SEC31A: variants seen among roughly 807,000 people sequenced by gnomAD.
The protein encoded by SEC31A is protein transport protein Sec31A.
Under a neutral mutation model 151.0 loss-of-function variants are expected in SEC31A, and 70 were observed. The ratio of observed to expected loss-of-function variants is 0.46; its 90% CI spans 0.38 to 0.57. SEC31A has a LOEUF of 0.57. Ranked by LOEUF, SEC31A falls within the 20% of genes least tolerant of loss-of-function variation. SEC31A has a pLI of 0.00. For missense variants in SEC31A, 1,330 were observed against 1,471.2 expected, an observed-to-expected ratio of 0.90 and a Z score of 1.57; for synonymous variants, 475 against 505.9, an observed-to-expected ratio of 0.94 and a Z score of 0.82.
intron 18 of SEC31A, among the ~76,000 whole-genome samples, chr4:82,852,818 C>T (rs1156415668): frequency 6.6e-6 from 1 of 152,172 alleles, no homozygotes; most frequent in East Asian, 1.9e-4. Flanking sequence ...TATTTGGCAC[C>T]AGGGACTGGT....
At chr4:82,860,430 T>G (rs1468298611) in intron 14 of SEC31A, among the ~76,000 whole-genome samples, 1 of 152,164 alleles carries the variant, frequency 6.6e-6, no homozygotes, top group Admixed American at 6.5e-5. Context: ...TGAAAGTACA[T>G]TTCTCTATGT....
chr4:82,875,188 T>G (rs987225471), intron 5 of SEC31A, among the ~76,000 whole-genome samples: 2 of 152,178 alleles, frequency 1.3e-5, no homozygotes, highest in African/African-American at 2.4e-5. Flanking sequence ...ACCTCTCAGA[T>G]TGCCAAAATG....
chr4:82,894,608 T>G (rs1055518021), upstream of SEC31A: 6 of 152,268 alleles, frequency 3.9e-5, no homozygotes, highest in African/African-American at 7.2e-5. Context: ...ACTGTGGGCT[T>G]CTTCTTCAAC....
At chr4:82,866,286 C>T (rs1735370071) in intron 10 of SEC31A, among the ~76,000 whole-genome samples, 1 of 152,112 alleles carries the variant, frequency 6.6e-6, no homozygotes, top group Non-Finnish European at 1.5e-5. Flanking sequence ...GGCCAGTCAA[C>T]ATGGTAAAAC....
At chr4:82,861,576 G>A (rs1346564206) in intron 14 of SEC31A, 55 bp downstream of exon 14, 19 of 1,164,716 alleles carry the variant, frequency 1.6e-5, no homozygotes, top group Non-Finnish European at 2.2e-5. Flanking sequence ...ATTTTAATGT[G>A]AGATACACAA....
At chr4:82,870,554 C>T (rs897813818) in intron 7 of SEC31A, 130 bp from the exon 8 acceptor site, 14 of 716,250 alleles carry the variant, frequency 2.0e-5, no homozygotes, top group Middle Eastern at 3.3e-4. Context: ...GTTTCAGCGC[C>T]GGGCGCATTG....
intron 25 of SEC31A, 122 bp from the exon 26 acceptor site, chr4:82,821,230 T>C (rs769144982): frequency 1.5e-5 from 11 of 753,710 alleles, no homozygotes; most frequent in Non-Finnish European, 2.5e-5. Context: ...TATAAAGAAA[T>C]GGAGGCAACT....
intron 21 of SEC31A, 63 bp downstream of exon 21, chr4:82,844,323 G>A: frequency 6.4e-7 from 1 of 1,552,878 alleles, no homozygotes; most frequent in South Asian, 1.2e-5. Context: ...GGGCTTCAAA[G>A]TAAAGTTACT....
chr4:82,872,988 C>T (rs1224553014), intron 6 of SEC31A, among the ~76,000 whole-genome samples: 2 of 152,110 alleles, frequency 1.3e-5, no homozygotes, highest in African/African-American at 2.4e-5. Context: ...TGAGCTACTG[C>T]GCCCGGCCAG....
chr4:82,866,736 G>A, intron 10 of SEC31A, 72 bp downstream of exon 10: 1 of 1,314,158 alleles, frequency 7.6e-7, no homozygotes, highest in Admixed American at 2.6e-5. Context: ...TTCCATCAGA[G>A]TGACTCTATA....
chr4:82,899,116 T>C (rs923336329), intron 3 of SEC31A, among the ~76,000 whole-genome samples: 1 of 152,220 alleles, frequency 6.6e-6, no homozygotes, highest in African/African-American at 2.4e-5. Flanking sequence ...AAAGACCATA[T>C]ATTAGTTCAT....
rs528307519 is a variant in SEC31A, at chr4:82,871,136, T to C, written c.783-712A>G. ...AGAGGCTCATGGCTGCAGTGAGCTA[T>C]GGTGGCTCTATCCTGGGCAAATCAG... On this transcript the variant is annotated intron_variant, in intron 7 of 26. Coordinates refer to ENST00000395310, the MANE Select transcript of SEC31A (RefSeq NM_001077207.4). 7.9e-5 allele frequency among the ~76,000 whole-genome samples: 12 copies of C among 152,308 alleles called. No homozygotes were observed. In the South Asian group the frequency reaches 2.5e-3, roughly 32 times the overall value.
Position 82,854,885 on chromosome 4 carries a change from AT to A in SEC31A, c.2008+17del. On this transcript the variant is annotated intron_variant, in intron 17 of 26. Transcript: ENST00000395310. ...GCCACGTATGTAAATGCAGTTAAATATAAAGCACATCTCTTACCACAAAGGG... is the reference window on the plus strand; with the variant it reads ...GCCACGTATGTAAATGCAGTTAAATAAAAGCACATCTCTTACCACAAAGGG... 6.2e-7 allele frequency: 1 copy of A among 1,603,348 alleles called. No individual in the cohort carries two copies. Among genetic ancestry groups the A allele is most frequent in the Non-Finnish European group, 8.5e-7 (1 of 1,176,450 alleles).
At chr4:82,827,013 A>G (rs1291508478) in intron 24 of SEC31A, among the ~76,000 whole-genome samples, 1 of 152,242 alleles carries the variant, frequency 6.6e-6, no homozygotes, top group Non-Finnish European at 1.5e-5. Context: ...AAAAATATAT[A>G]ACTCACTATA....
chr4:82,891,206 GGCAGCCGCAGCC>G (rs1338657470), upstream of SEC31A: 5 of 1,527,796 alleles, frequency 3.3e-6, no homozygotes, highest in African/African-American at 5.5e-5. Flanking sequence ...GTTCCAACGT[GGCAGCCGCAGCC>G]GCAGCCACGC....
intron 22 of SEC31A, among the ~76,000 whole-genome samples, chr4:82,841,862 C>G (rs1316069775): frequency 2.0e-5 from 3 of 151,408 alleles, no homozygotes; most frequent in Admixed American, 2.0e-4. Context: ...ATCCCAGCTA[C>G]TCGGGAGGCT....
intron 11 of SEC31A, among the ~76,000 whole-genome samples, chr4:82,863,599 C>A (rs747423469): frequency 6.5e-4 from 99 of 151,680 alleles, no homozygotes; most frequent in Non-Finnish European, 9.3e-4. Flanking sequence ...AGAACATGTG[C>A]CCAGAATTAT....
upstream of SEC31A, among the ~76,000 whole-genome samples, chr4:82,891,996 T>C (rs1305647691): frequency 6.6e-6 from 1 of 152,240 alleles, no homozygotes; most frequent in Non-Finnish European, 1.5e-5. Flanking sequence ...CAAAGCCAAC[T>C]CTTGCACTTT....
chr4:82,870,287 T>A, intron 8 of SEC31A, 38 bp downstream of exon 8: 1 of 1,495,556 alleles, frequency 6.7e-7, no homozygotes, highest in South Asian at 1.2e-5. Context: ...TAACATACTA[T>A]AAGGGCTACA....
Sources: allele counts gnomAD v4.1 joint callset (sites outside exome capture counted in the v4.1 genomes callset), GRCh38; gene constraint gnomAD v4.1.1; transcripts MANE v1.5; gene names NCBI Gene and HGNC (gene_info 2026-07-23, HGNC 2026-07-21).